Variants in CLPB observed in about 807,000 individuals in gnomAD.
CLPB encodes the protein mitochondrial disaggregase.
In CLPB, 40 loss-of-function variants were observed where a neutral mutation model predicts 78.4. The observed-to-expected ratio is 0.51, with a 90% CI of 0.40 to 0.66. The LOEUF (loss-of-function observed/expected upper bound fraction) is 0.66, where lower values mean the gene tolerates loss of function less well. Among genes scored for constraint, CLPB ranks in the 30% least tolerant of loss-of-function variants. CLPB has a pLI of 0.00. For synonymous variants in CLPB, 333 were observed against 348.0 expected (o/e 0.96, Z 0.48); for missense variants, 780 against 886.9 (o/e 0.88, Z 1.53).
intron 2 of CLPB, among the ~76,000 whole-genome samples, chr11:72,418,458 C>T (rs1225326445): frequency 6.6e-6 from 1 of 152,206 alleles, no homozygotes; most frequent in African/African-American, 2.4e-5. Flanking sequence ...AGATGTTAGA[C>T]AACTTTTCCA....
intron 12 of CLPB, 46 bp from the exon 13 acceptor site, chr11:72,294,739 C>A (rs1293607676): frequency 6.6e-7 from 1 of 1,522,898 alleles, no homozygotes. Context: ...ATTCAGGGAA[C>A]TTTGGGGGCT....
At chr11:72,339,268 T>C (rs1380358297) in intron 5 of CLPB, among the ~76,000 whole-genome samples, 1 of 152,192 alleles carries the variant, frequency 6.6e-6, no homozygotes, top group Admixed American at 6.5e-5. Flanking sequence ...GTGAGGATTG[T>C]TCTGGGAAAT....
At chr11:72,298,058 G>A (rs573991263) in intron 11 of CLPB, among the ~76,000 whole-genome samples, 1 of 152,250 alleles carries the variant, frequency 6.6e-6, no homozygotes, top group East Asian at 1.9e-4. Flanking sequence ...GCTCACCCCA[G>A]GGTTATGGGG....
chr11:72,357,054 A>T (rs1950731879), intron 5 of CLPB: 1 of 152,248 alleles, frequency 6.6e-6, no homozygotes, highest in Admixed American at 6.5e-5. Flanking sequence ...TCGCTCCAGA[A>T]GCATCAGTCA....
chr11:72,316,994 T>TA, intron 7 of CLPB, 112 bp downstream of exon 7: 1 of 666,546 alleles, frequency 1.5e-6, no homozygotes, highest in Non-Finnish European at 2.5e-6. Context: ...TAGATAGTAC[T>TA]CAACAAATGC....
intron 3 of CLPB, among the ~76,000 whole-genome samples, chr11:72,385,762 G>A (rs1487374949): frequency 6.6e-6 from 1 of 152,200 alleles, no homozygotes; most frequent in Non-Finnish European, 1.5e-5. Context: ...GGCGGAGGAT[G>A]CAGTGAGCCG....
At chr11:72,417,688 T>C (rs1034449198) in intron 2 of CLPB, among the ~76,000 whole-genome samples, 5 of 152,190 alleles carry the variant, frequency 3.3e-5, no homozygotes, top group African/African-American at 1.2e-4. Context: ...GCCTCATACC[T>C]AGAGGCACCC....
At chr11:72,424,850 C>T (rs1259179585) in intron 2 of CLPB, among the ~76,000 whole-genome samples, 1 of 151,906 alleles carries the variant, frequency 6.6e-6, no homozygotes, top group Non-Finnish European at 1.5e-5. Context: ...CGCACCACCG[C>T]ACTCCAACCT....
intron 3 of CLPB, among the ~76,000 whole-genome samples, chr11:72,395,883 G>C (rs754110762): frequency 6.6e-5 from 10 of 152,188 alleles, no homozygotes; most frequent in African/African-American, 9.7e-5. Context: ...CAGTAGTCTA[G>C]CTGCAAGATT....
rs116759903 is a variant in CLPB at position 72,290,496 on chromosome 11, T to C, written c.*2871A>G. ...TAATACCTGTTATAAGCAAGAATCA[T>C]TGATGATGGAAATGAAAATCAGTAG... On this transcript the variant is annotated 3_prime_UTR_variant, in exon 16 of 16. Transcript: ENST00000538039. The C allele has an allele frequency of 1.3e-3, 204 of 152,308 alleles. No individual in the cohort carries two copies. The highest frequency in any genetic ancestry group is 4.7e-3 in the African/African-American group (196 of 41,558). 9.4% of individuals were successfully genotyped at this position (152,308 alleles called of 1,614,324 possible). A position where few individuals can be genotyped will look rare whatever the true frequency, so the allele number is the denominator to read the frequency against.
chr11:72,430,080 C>T lies in CLPB; in HGVS notation c.455+232G>A, dbSNP rs917527122. The stretch of plus-strand genomic sequence containing the variant: ...GAGTCCAAACCAACCCAGTGAAGAA[C>T]AAAATAGCTGAAGGATCCAGGGATG... On this transcript the variant is annotated intron_variant, in intron 2 of 15. Transcript: ENST00000538039. 2.0e-5 allele frequency among the ~76,000 whole-genome samples: 3 copies of T among 152,114 alleles called. No individual in the cohort carries two copies. In the East Asian group the frequency reaches 5.8e-4, roughly 29 times the overall value.
At chr11:72,384,868 C>G (rs569150381) in intron 3 of CLPB, among the ~76,000 whole-genome samples, 1 of 152,018 alleles carries the variant, frequency 6.6e-6, no homozygotes, top group Non-Finnish European at 1.5e-5. Context: ...TATATATGCA[C>G]CTAACATCAC....
chr11:72,408,167 C>T (rs1436540836), intron 2 of CLPB: 1 of 1,535,630 alleles, frequency 6.5e-7, no homozygotes, highest in Non-Finnish European at 8.7e-7. Context: ...CCCTGCCCAG[C>T]TTCTTGACTG....
intron 3 of CLPB, among the ~76,000 whole-genome samples, chr11:72,388,065 C>A (rs1197007007): frequency 6.6e-6 from 1 of 152,058 alleles, no homozygotes; most frequent in Non-Finnish European, 1.5e-5. Flanking sequence ...ACGTATGTTG[C>A]CCTTGGTCCC....
intron 6 of CLPB, among the ~76,000 whole-genome samples, chr11:72,324,359 G>T (rs1371038268): frequency 2.0e-5 from 3 of 152,152 alleles, no homozygotes; most frequent in African/African-American, 7.2e-5. Flanking sequence ...CTTGAGGCCA[G>T]GAGTTTGAGA....
intron 5 of CLPB, among the ~76,000 whole-genome samples, chr11:72,335,121 A>T (rs1950295355): frequency 6.6e-6 from 1 of 151,334 alleles, no homozygotes; most frequent in African/African-American, 2.4e-5. Context: ...CTAGGCCAGG[A>T]AAGTAGTGTG....
chr11:72,400,668 G>C (rs1407367702), intron 3 of CLPB, among the ~76,000 whole-genome samples: 1 of 152,240 alleles, frequency 6.6e-6, no homozygotes, highest in Non-Finnish European at 1.5e-5. Flanking sequence ...AAAGACTGGT[G>C]CATGTGGTGA....
chr11:72,299,880 G>C (rs1431661952), intron 11 of CLPB, among the ~76,000 whole-genome samples: 1 of 152,214 alleles, frequency 6.6e-6, no homozygotes, highest in Non-Finnish European at 1.5e-5. Context: ...GTGGAGTGAA[G>C]TGACGGAGGA....
intron 6 of CLPB, among the ~76,000 whole-genome samples, chr11:72,328,259 G>A (rs999012253): frequency 2.0e-5 from 3 of 152,192 alleles, no homozygotes; most frequent in Non-Finnish European, 1.5e-5. Context: ...AAGTGCCTAG[G>A]ATGAACAGAG....
Sources: allele counts gnomAD v4.1 joint callset (sites outside exome capture counted in the v4.1 genomes callset), GRCh38; gene constraint gnomAD v4.1.1; transcripts MANE v1.5; gene names NCBI Gene and HGNC (gene_info 2026-07-23, HGNC 2026-07-21).